Variants in ELAPOR1 observed in about 807,000 individuals in gnomAD.
ELAPOR1 encodes endosome-lysosome associated apoptosis and autophagy regulator 1.
ELAPOR1 carries 77 observed loss-of-function variants against 119.7 expected under a neutral mutation model. The observed-to-expected ratio is 0.64, with a 90% confidence interval of 0.54 to 0.78. ELAPOR1 has a LOEUF of 0.78. Among genes scored for constraint, ELAPOR1 ranks in the 30% least tolerant of loss-of-function variants. ELAPOR1 has a pLI of 0.00. For synonymous variants in ELAPOR1, 481 were observed against 487.2 expected (o/e 0.99, Z 0.17); for missense variants, 1,115 against 1,270.4 (o/e 0.88, Z 1.86).
At chr1:109,146,448 G>A (rs1324151820) in intron 1 of ELAPOR1, among the ~76,000 whole-genome samples, 2 of 152,130 alleles carry the variant, frequency 1.3e-5, no homozygotes, top group African/African-American at 4.8e-5. Flanking sequence ...CTAGCCTTGG[G>A]AGTCACTTAG....
intron 1 of ELAPOR1, among the ~76,000 whole-genome samples, chr1:109,132,708 G>A (rs1225832198): frequency 2.6e-5 from 4 of 152,128 alleles, no homozygotes; most frequent in African/African-American, 9.7e-5. Flanking sequence ...GCCCTGAGAT[G>A]AGTACAAAGG....
At chr1:109,130,077 A>G (rs916213449) in intron 1 of ELAPOR1, among the ~76,000 whole-genome samples, 8 of 152,108 alleles carry the variant, frequency 5.3e-5, no homozygotes, top group African/African-American at 1.7e-4. Context: ...TCACTGTTAC[A>G]TGGCCTTCCT....
intron 1 of ELAPOR1, among the ~76,000 whole-genome samples, chr1:109,135,487 C>T (rs1185380823): frequency 6.6e-6 from 1 of 152,190 alleles, no homozygotes; most frequent in Admixed American, 6.5e-5. Flanking sequence ...TTGCGATCCG[C>T]CCACCCTGGC....
intron 1 of ELAPOR1, among the ~76,000 whole-genome samples, chr1:109,132,600 G>C (rs1486404659): frequency 6.6e-6 from 1 of 152,172 alleles, no homozygotes; most frequent in Non-Finnish European, 1.5e-5. Flanking sequence ...TAAGCCAAAA[G>C]TTCAGGGAAC....
At chr1:109,144,061 A>ATTTTTTTTTTTTTTTTTTTTTTTTTT (rs71069655) in intron 1 of ELAPOR1, among the ~76,000 whole-genome samples, 2 of 89,018 alleles carry the variant, frequency 2.2e-5, no homozygotes, top group African/African-American at 4.8e-5. Flanking sequence ...ATATTTATAT[A>ATTTTTTTTTTTTTTTTTTTTTTTTTT]TTTTTTTTTT....
chr1:109,127,562 T>G (rs1033216010), intron 1 of ELAPOR1, among the ~76,000 whole-genome samples: 3 of 151,748 alleles, frequency 2.0e-5, no homozygotes, highest in South Asian at 2.1e-4. Context: ...TACCTTTTTA[T>G]TTTATTTATT....
At chr1:109,176,181 C>T (rs969759297) in intron 7 of ELAPOR1, among the ~76,000 whole-genome samples, 4 of 152,070 alleles carry the variant, frequency 2.6e-5, no homozygotes, top group African/African-American at 9.7e-5. Flanking sequence ...AGAAATAGGA[C>T]GTGGTTATTT....
chr1:109,162,059 G>A (rs1179040275), intron 2 of ELAPOR1, 45 bp downstream of exon 2: 12 of 1,577,014 alleles, frequency 7.6e-6, no homozygotes, highest in South Asian at 1.1e-5. Flanking sequence ...CTCAGCTTTG[G>A]TCTCTCCCCC....
At chr1:109,146,415 G>A (rs753424288) in intron 1 of ELAPOR1, among the ~76,000 whole-genome samples, 4 of 152,146 alleles carry the variant, frequency 2.6e-5, no homozygotes, top group African/African-American at 4.8e-5. Context: ...TATCAGTGTG[G>A]AAGCTGTGTG....
intron 1 of ELAPOR1, among the ~76,000 whole-genome samples, chr1:109,118,255 G>A (rs1176380593): frequency 6.6e-6 from 1 of 152,210 alleles, no homozygotes; most frequent in East Asian, 1.9e-4. Flanking sequence ...TCTAGATAGA[G>A]GGAGGAGCTT....
chr1:109,137,609 C>T (rs892192088), intron 1 of ELAPOR1, among the ~76,000 whole-genome samples: 2 of 152,058 alleles, frequency 1.3e-5, no homozygotes, highest in Non-Finnish European at 2.9e-5. Context: ...CTCACTGCAA[C>T]CTCTGCCTCC....
intron 1 of ELAPOR1, among the ~76,000 whole-genome samples, chr1:109,153,451 G>A (rs1021125397): frequency 2.0e-5 from 3 of 152,186 alleles, no homozygotes; most frequent in African/African-American, 7.2e-5. Context: ...AAGGACATGG[G>A]AAAGTGCTTT....
Position 109,139,736 on chromosome 1 carries a change from C to A in ELAPOR1, c.154-22158C>A, listed in dbSNP as rs747478161. On this transcript the variant is annotated intron_variant, in intron 1 of 21. Coordinates refer to ENST00000369939, the MANE Select transcript of ELAPOR1 (RefSeq NM_020775.5). ...TCTCATCTGTCATGGCTGCCAATTT[C>A]TATCTGATGTTATGTTTATGTGTAT... Among the ~76,000 whole-genome samples, 44 of 152,216 alleles carry A rather than the reference C, an allele frequency of 2.9e-4. 1 individual carries two copies. Among genetic ancestry groups the A allele is most frequent in the Middle Eastern group, 3.4e-3 (1 of 294 alleles).
At chr1:109,172,609 G>A in intron 5 of ELAPOR1, 41 bp downstream of exon 5, 1 of 1,485,298 alleles carries the variant, frequency 6.7e-7, no homozygotes, top group South Asian at 1.1e-5. Flanking sequence ...TCCCAGAAAA[G>A]GGACCCAGGG....
Position 109,164,849 on chromosome 1 carries a change from A to T in ELAPOR1, c.467+158A>T, listed in dbSNP as rs143055770. Among the ~76,000 whole-genome samples, 1,310 of 152,310 alleles carry T rather than the reference A, an allele frequency of 8.6e-3. 24 individuals carry two copies. Among genetic ancestry groups the T allele is most frequent in the African/African-American group, 0.03 (1,233 of 41,570 alleles). On this transcript the variant is annotated intron_variant, in intron 3 of 21. Coordinates refer to ENST00000369939, the MANE Select transcript of ELAPOR1 (RefSeq NM_020775.5). The stretch of plus-strand genomic sequence containing the variant: ...GGTGAGGCCTGCAGCTGTGCCCGCA[A>T]GACCAGTGGATGTGACTCTGCCTGG...
Position 109,192,798 on chromosome 1 carries a change from A to G in ELAPOR1, c.1871A>G (p.Asn624Ser). ...GGAACCTGCCACTCCTGCCCCACTA[A>G]CACAATTCTGAAAGCCCACCAGCCT... ...DSGTCHSCPT[N>S]TILKAHQPYG... Residue 624 changes from asparagine (N) to serine (S), a missense_variant, in exon 14 of 22, where the codon AAC becomes AGC. Physicochemically the swap from Asn to Ser is conservative, Grantham distance 46. Transcript: ENST00000369939. 1 of 1,613,858 alleles carries G rather than the reference A, an allele frequency of 6.2e-7. No individual in the cohort carries two copies. The highest frequency in any genetic ancestry group is 8.5e-7 in the Non-Finnish European group (1 of 1,179,970).
At chr1:109,168,775 T>A (rs12565807) in intron 3 of ELAPOR1, among the ~76,000 whole-genome samples, 70,796 of 151,972 alleles carry the variant, frequency 0.47, 17,526 homozygotes, top group African/African-American at 0.65. Context: ...GGGCTTCAGT[T>A]TCTTCATTCT....
intron 1 of ELAPOR1, among the ~76,000 whole-genome samples, chr1:109,153,014 G>A (rs1441733327): frequency 6.6e-6 from 1 of 151,574 alleles, no homozygotes; most frequent in Non-Finnish European, 1.5e-5. Flanking sequence ...ACAGTCTCAT[G>A]TGGGGAGGAG....
intron 2 of ELAPOR1, among the ~76,000 whole-genome samples, chr1:109,164,172 A>G (rs2101044036): frequency 6.6e-6 from 1 of 152,292 alleles, no homozygotes; most frequent in Non-Finnish European, 1.5e-5. Flanking sequence ...TCCTAAAAAG[A>G]AACCTCATAT....
Sources: gnomAD v4.1 joint callset for allele counts (sites outside exome capture counted in the v4.1 genomes callset) on GRCh38, gnomAD v4.1.1 for gene constraint, MANE v1.5 for transcripts, NCBI Gene and HGNC (gene_info 2026-07-23, HGNC 2026-07-21) for gene names.